Variants in KDM4C observed in about 807,000 individuals in gnomAD.
The protein encoded by KDM4C is lysine-specific demethylase 4C.
Under a neutral mutation model 129.3 loss-of-function variants are expected in KDM4C, and 81 were observed. The observed-to-expected ratio is 0.63, with a 90% CI of 0.52 to 0.75. The LOEUF is 0.75. Among genes scored for constraint, KDM4C ranks in the 30% least tolerant of loss-of-function variants. KDM4C has a pLI of 0.00. For synonymous variants in KDM4C, 573 were observed against 456.1 expected (o/e 1.26, Z -3.26); for missense variants, 1,457 against 1,304.0 (o/e 1.12, Z -1.81).
intron 18 of KDM4C, among the ~76,000 whole-genome samples, chr9:7,118,479 G>A (rs773579102): frequency 2.0e-5 from 3 of 152,160 alleles, no homozygotes; most frequent in African/African-American, 7.2e-5. Context: ...GGTTCCTGCT[G>A]CATACCTTTG....
rs114209194 is a variant in KDM4C at position 6,992,063 on chromosome 9, C to T, written c.1786+1539C>T. On this transcript the variant is annotated intron_variant, in intron 12 of 21. Coordinates refer to ENST00000381309, the MANE Select transcript of KDM4C (RefSeq NM_015061.6). Reference sequence around the variant, plus strand: ...ATTATACCCAGTACAAACCATTTTCCCTTTAGTGTTAAGACATATGACAAT... The same window carrying T: ...ATTATACCCAGTACAAACCATTTTCTCTTTAGTGTTAAGACATATGACAAT... Among the ~76,000 whole-genome samples the T allele has an allele frequency of 8.6e-3, 1,299 of 151,396 alleles. 21 individuals carry two copies. The highest frequency in any genetic ancestry group is 0.03 in the African/African-American group (1,248 of 41,318).
At chr9:6,847,054 A>G (rs1485703454) in intron 4 of KDM4C, among the ~76,000 whole-genome samples, 1 of 152,142 alleles carries the variant, frequency 6.6e-6, no homozygotes, top group Non-Finnish European at 1.5e-5. Flanking sequence ...TGGGTCTAGG[A>G]TGTCAAGGGA....
intron 18 of KDM4C, among the ~76,000 whole-genome samples, chr9:7,110,355 A>T (rs900599589): frequency 6.6e-6 from 1 of 151,762 alleles, no homozygotes; most frequent in South Asian, 2.1e-4. Flanking sequence ...GATAAATAGC[A>T]TTTTTTTTCA....
intron 19 of KDM4C, among the ~76,000 whole-genome samples, chr9:7,156,844 T>C (rs1369255628): frequency 1.3e-5 from 2 of 152,322 alleles, no homozygotes; most frequent in African/African-American, 4.8e-5. Context: ...GGGTTCTTTT[T>C]TGGTTCCATA....
chr9:6,764,981 A>G lies in KDM4C; in HGVS notation c.-18+6778A>G, dbSNP rs1013292023. ...TCATGGTTCCTCAGCCCTCACATCC[A>G]AAGTATCACTTAACACCTTGTAACT... On this transcript the variant is annotated intron_variant, in intron 1 of 21. Transcript: ENST00000381309. 2.0e-5 allele frequency among the ~76,000 whole-genome samples: 3 copies of G among 152,288 alleles called. No homozygotes were observed. In the East Asian group the frequency reaches 5.8e-4, roughly 29 times the overall value.
At chr9:6,821,435 T>C (rs1833013160) in intron 4 of KDM4C, among the ~76,000 whole-genome samples, 2 of 152,196 alleles carry the variant, frequency 1.3e-5, no homozygotes, top group South Asian at 4.1e-4. Flanking sequence ...AGATGGTATC[T>C]CATTGTGGTT....
chr9:6,758,351 C>T lies in KDM4C; in HGVS notation c.-18+148C>T. 2.7e-6 allele frequency: 1 copy of T among 367,948 alleles called. No homozygotes were observed. The highest frequency in any genetic ancestry group is 3.8e-6 in the Non-Finnish European group (1 of 265,214). 22.8% of individuals were successfully genotyped at this position (367,948 alleles called of 1,614,324 possible). On this transcript the variant is annotated intron_variant, in intron 1 of 21. Coordinates refer to ENST00000381309, the MANE Select transcript of KDM4C (RefSeq NM_015061.6). This position sits in a 1 kb window ranked among gnomAD's most constrained non-coding sequence, Gnocchi z 4.6. ...GGCAGAGACGCTCCGTCCGTGACTG[C>T]AGCGACTGTCAAGCTGGGGAGGGAG...
intron 18 of KDM4C, chr9:7,105,263 C>G (rs902321273): frequency 1.5e-5 from 5 of 324,828 alleles, no homozygotes; most frequent in Non-Finnish European, 3.1e-5. Context: ...AGGTCGTGAC[C>G]TCTGAAGTCA....
chr9:7,060,833 G>C (rs1043976408), intron 17 of KDM4C, among the ~76,000 whole-genome samples: 9 of 152,252 alleles, frequency 5.9e-5, no homozygotes, highest in Admixed American at 1.3e-4. Flanking sequence ...GCGTGGGCAT[G>C]CATATTTGTT....
chr9:6,801,967 T>C (rs759159283), intron 2 of KDM4C, among the ~76,000 whole-genome samples: 9 of 151,980 alleles, frequency 5.9e-5, no homozygotes, highest in Non-Finnish European at 1.2e-4. Context: ...TATCTGGGCA[T>C]GGTGGCAGGC....
At chr9:7,151,454 G>A (rs1842718784) in intron 19 of KDM4C, among the ~76,000 whole-genome samples, 1 of 152,134 alleles carries the variant, frequency 6.6e-6, no homozygotes, top group African/African-American at 2.4e-5. Context: ...CACTTCGGGA[G>A]GCGGAAGTGG....
chr9:6,785,823 G>C (rs1825367702), intron 1 of KDM4C, among the ~76,000 whole-genome samples: 1 of 152,352 alleles, frequency 6.6e-6, no homozygotes, highest in South Asian at 2.1e-4. Context: ...ACAATGCCCA[G>C]CCAAAGCAGT....
At chr9:7,112,773 C>G (rs1352083699) in intron 18 of KDM4C, among the ~76,000 whole-genome samples, 1 of 152,158 alleles carries the variant, frequency 6.6e-6, no homozygotes, top group African/African-American at 2.4e-5. Flanking sequence ...TCTGCTTTCT[C>G]CTTTTCATAA....
chr9:6,867,714 A>G (rs1371789388), intron 5 of KDM4C, among the ~76,000 whole-genome samples: 2 of 152,192 alleles, frequency 1.3e-5, no homozygotes. Flanking sequence ...CTGAGCACAC[A>G]CCTGTGTCAG....
chr9:6,764,855 T>G (rs1243832273), intron 1 of KDM4C, among the ~76,000 whole-genome samples: 1 of 152,216 alleles, frequency 6.6e-6, no homozygotes, highest in African/African-American at 2.4e-5. Context: ...GTATAACAAA[T>G]GTAACTCTGA....
chr9:7,170,622 T>C, intron 21 of KDM4C: 1 of 957,264 alleles, frequency 1.0e-6, no homozygotes. Context: ...TTTATTCATT[T>C]AGAATTATAT....
intron 18 of KDM4C, among the ~76,000 whole-genome samples, chr9:7,106,444 G>A (rs1248984991): frequency 6.6e-6 from 1 of 152,138 alleles, no homozygotes; most frequent in African/African-American, 2.4e-5. Flanking sequence ...TTGGCAGCCT[G>A]GCCCAGTTGT....
chr9:7,010,828 G>A (rs946764317), intron 12 of KDM4C, among the ~76,000 whole-genome samples: 2 of 152,140 alleles, frequency 1.3e-5, no homozygotes, highest in Non-Finnish European at 2.9e-5. Flanking sequence ...TGGATCACCT[G>A]AGGTCAGGAG....
intron 21 of KDM4C, among the ~76,000 whole-genome samples, chr9:7,173,505 G>T (rs1182764281): frequency 6.6e-6 from 1 of 152,206 alleles, no homozygotes; most frequent in Non-Finnish European, 1.5e-5. Context: ...CTTTTAGAGA[G>T]CTTTCTTCCA....
Sources: allele counts gnomAD v4.1 joint callset (sites outside exome capture counted in the v4.1 genomes callset), GRCh38; gene constraint gnomAD v4.1.1; non-coding constraint Gnocchi (gnomAD v3.1); transcripts MANE v1.5; gene names NCBI Gene and HGNC (gene_info 2026-07-23, HGNC 2026-07-21).